PCDHGA3: variants seen among roughly 807,000 people sequenced by gnomAD.
PCDHGA3 encodes protocadherin gamma subfamily A, 3.
PCDHGA3 carries 40 observed loss-of-function variants against 58.5 expected under a neutral mutation model. That is an observed-to-expected ratio of 0.68 (90% CI 0.53 to 0.89). The LOEUF (loss-of-function observed/expected upper bound fraction) is 0.89, where lower values mean the gene tolerates loss of function less well. Among genes scored for constraint, PCDHGA3 ranks in the 40% least tolerant of loss-of-function variants. PCDHGA3 has a pLI of 0.00. For synonymous variants in PCDHGA3, 530 were observed against 525.7 expected (o/e 1.01, Z -0.11); for missense variants, 1,223 against 1,195.9 (o/e 1.02, Z -0.33).
At chr5:141,350,723 C>T in intron 1 of PCDHGA3, 1 of 1,613,944 alleles carries the variant, frequency 6.2e-7, no homozygotes, top group Non-Finnish European at 8.5e-7. Flanking sequence ...GGATTCTGCT[C>T]AAGATGCAGA....
intron 1 of PCDHGA3, chr5:141,365,136 C>T: frequency 6.2e-7 from 1 of 1,613,950 alleles, no homozygotes; most frequent in Non-Finnish European, 8.5e-7. Flanking sequence ...GCCACGGATC[C>T]AGATGAGGGA....
chr5:141,486,175 C>T lies in PCDHGA3; in HGVS notation c.2425-8632C>T. ...GTTCTCCAGCCATGGAGCAACATTG[C>T]AGCCTTCGAGTGGATCTGCTGGACG... On this transcript the variant is annotated intron_variant, in intron 1 of 3. Transcript: ENST00000253812. The surrounding 1 kb of genome is among the most constrained non-coding windows in gnomAD (Gnocchi z 5.0). 1 of 1,614,210 alleles carries T rather than the reference C, an allele frequency of 6.2e-7. No individual in the cohort carries two copies.
chr5:141,489,597 A>T lies in PCDHGA3; in HGVS notation c.2425-5210A>T. The T allele has an allele frequency of 6.2e-7, 1 of 1,614,100 alleles. No individual in the cohort carries two copies. Among genetic ancestry groups the T allele is most frequent in the African/African-American group, 1.3e-5 (1 of 75,040 alleles). ...AACACCCCCTGGAGCTAATCCGTGT[A>T]GAGGTAGAGATCCTGGATCTCAATG... On this transcript the variant is annotated intron_variant, in intron 1 of 3. Transcript: ENST00000253812. The surrounding 1 kb of genome is among the most constrained non-coding windows in gnomAD (Gnocchi z 4.5).
At chr5:141,468,415 G>A (rs1040067190) in intron 1 of PCDHGA3, 5 of 151,704 alleles carry the variant, frequency 3.3e-5, no homozygotes, top group Non-Finnish European at 7.4e-5. Context: ...TAATAAGTTA[G>A]ATAGCAAGGT....
chr5:141,501,412 T>C (rs1479005426), intron 2 of PCDHGA3, among the ~76,000 whole-genome samples: 7 of 151,550 alleles, frequency 4.6e-5, no homozygotes, highest in African/African-American at 1.7e-4. Context: ...GCTTGGAAAA[T>C]AGTTGACTAA....
At chr5:141,405,804 C>T (rs1277295024) in intron 1 of PCDHGA3, among the ~76,000 whole-genome samples, 1 of 146,338 alleles carries the variant, frequency 6.8e-6, no homozygotes, top group Non-Finnish European at 1.5e-5. Context: ...AGTTAGCTTT[C>T]TCTTTAACTG....
At chr5:141,437,944 G>A (rs576107104) in intron 1 of PCDHGA3, among the ~76,000 whole-genome samples, 1 of 152,178 alleles carries the variant, frequency 6.6e-6, no homozygotes, top group South Asian at 2.1e-4. Flanking sequence ...CACCATATTG[G>A]CCAGAATGGT....
Position 141,397,997 on chromosome 5 carries a change from C to T in PCDHGA3, c.2424+51540C>T, listed in dbSNP as rs2093595590. ...GCCGGCCTTTACACCGCTTCCTCCTCGGAAAAAGAATCGTTTCCTAAACTG... is the reference window on the plus strand; with the variant it reads ...GCCGGCCTTTACACCGCTTCCTCCTTGGAAAAAGAATCGTTTCCTAAACTG... On this transcript the variant is annotated intron_variant, in intron 1 of 3. Coordinates refer to ENST00000253812, the MANE Select transcript of PCDHGA3 (RefSeq NM_018916.4). The T allele has an allele frequency of 6.6e-6, 9 of 1,372,980 alleles. No individual in the cohort carries two copies. The Admixed American group carries it at 2.4e-4, about 37-fold the overall frequency. The allele number at this position is 1,372,980 out of a possible 1,614,324, so 85.0% of individuals were successfully genotyped here.
rs776330769 is a variant in PCDHGA3 at position 141,413,206 on chromosome 5, T to G, written c.2424+66749T>G. The stretch of plus-strand genomic sequence containing the variant: ...CGCTCAAAGGAATCGCTCAAAGGAA[T>G]CAAAGGATTGCAGCGGGCTGGTCCT... On this transcript the variant is annotated intron_variant, in intron 1 of 3. Transcript: ENST00000253812. 4.3e-6 allele frequency: 7 copies of G among 1,612,936 alleles called. 1 individual carries two copies. In the South Asian group the frequency reaches 7.7e-5, roughly 18 times the overall value.
intron 1 of PCDHGA3, among the ~76,000 whole-genome samples, chr5:141,401,385 T>A (rs965055223): frequency 6.6e-6 from 1 of 152,182 alleles, no homozygotes; most frequent in Non-Finnish European, 1.5e-5. Flanking sequence ...AGAAAAATAC[T>A]ACATGTTATG....
At chr5:141,371,163 G>T (rs79773129) in intron 1 of PCDHGA3, 6 of 1,613,984 alleles carry the variant, frequency 3.7e-6, no homozygotes, top group Non-Finnish European at 5.1e-6. Flanking sequence ...GAACCTGCCC[G>T]CTGGCTCCTC....
chr5:141,399,832 G>A, intron 1 of PCDHGA3: 1 of 1,613,152 alleles, frequency 6.2e-7, no homozygotes, highest in African/African-American at 1.3e-5. Flanking sequence ...CGACGGCTCT[G>A]CGCTCTTCGA....
chr5:141,403,598 G>A (rs2094431142), intron 1 of PCDHGA3: 1 of 1,613,702 alleles, frequency 6.2e-7, no homozygotes, highest in Non-Finnish European at 8.5e-7. Flanking sequence ...CACGGCCTCG[G>A]ATGGCGGCGA....
chr5:141,394,592 G>C (rs754585576), intron 1 of PCDHGA3: 84 of 1,613,642 alleles, frequency 5.2e-5, no homozygotes, highest in South Asian at 3.7e-4. Context: ...AGGTGGTGGC[G>C]GTGGACAGAG....
In PCDHGA3 at chr5:141,503,243, C is replaced by T. The variant is rs146741382; in HGVS notation, c.2484-2150C>T. Among the ~76,000 whole-genome samples the T allele has an allele frequency of 3.1e-4, 47 of 152,198 alleles. No individual in the cohort carries two copies. The East Asian group carries it at 8.9e-3, about 29-fold the overall frequency. ...CACCGTAAAGATGGACAGTTTCTAT[C>T]ATACTCACAGCCACAACCCCAGCAC... On this transcript the variant is annotated intron_variant, in intron 2 of 3. Coordinates refer to ENST00000253812, the MANE Select transcript of PCDHGA3 (RefSeq NM_018916.4).
chr5:141,365,622 C>T, intron 1 of PCDHGA3: 1 of 1,613,594 alleles, frequency 6.2e-7, no homozygotes, highest in Non-Finnish European at 8.5e-7. Flanking sequence ...GGAACCCCGC[C>T]CCTCTCTACA....
chr5:141,421,078 C>T (rs11575964), intron 1 of PCDHGA3: 20,754 of 627,892 alleles, frequency 0.033, 387 homozygotes, highest in Middle Eastern at 0.088. Context: ...GAGATGGATA[C>T]TCACAGATCC....
intron 1 of PCDHGA3, chr5:141,350,270 G>T: frequency 6.6e-7 from 1 of 1,512,730 alleles, no homozygotes; most frequent in Non-Finnish European, 8.8e-7. Flanking sequence ...AATGCAGAGA[G>T]CCAGAGAAGC....
At chr5:141,346,685 G>A (rs980687326) in intron 1 of PCDHGA3, among the ~76,000 whole-genome samples, 8 of 152,170 alleles carry the variant, frequency 5.3e-5, no homozygotes, top group Admixed American at 1.3e-4. Context: ...TGAAAGTAAA[G>A]TGTCACTTCC....
Sources: allele counts gnomAD v4.1 joint callset (sites outside exome capture counted in the v4.1 genomes callset), GRCh38; gene constraint gnomAD v4.1.1; non-coding constraint Gnocchi (gnomAD v3.1); transcripts MANE v1.5; gene names NCBI Gene and HGNC (gene_info 2026-07-23, HGNC 2026-07-21).